The following CELF2 variants were observed in gnomAD, a reference collection of about 807,000 sequenced individuals.
CELF2 encodes CUGBP Elav-like family member 2.
CELF2 carries 8 observed loss-of-function variants against 62.6 expected under a neutral mutation model. That is an observed-to-expected ratio of 0.13 (90% CI 0.07 to 0.23). The LOEUF (loss-of-function observed/expected upper bound fraction) is 0.23. Among genes scored for constraint, CELF2 ranks in the 10% least tolerant of loss-of-function variants. The pLI, the probability that CELF2 is intolerant of heterozygous loss-of-function variation, is 1.00. For synonymous variants in CELF2, 258 were observed against 250.0 expected (o/e 1.03, Z -0.30); for missense variants, 333 against 671.0 (o/e 0.50, Z 5.56).
chr10:11,057,395 A>C (rs1034101), intron 1 of CELF2, among the ~76,000 whole-genome samples: 14,557 of 152,264 alleles, frequency 0.096, 804 homozygotes, highest in African/African-American at 0.14. Context: ...AAATACAGCC[A>C]GGTAAACACC....
At chr10:11,003,801 T>A (rs977575865), upstream of CELF2, among the ~76,000 whole-genome samples, 1 of 152,212 alleles carries the variant, frequency 6.6e-6, no homozygotes, top group Non-Finnish European at 1.5e-5. This position sits in a 1 kb window ranked among gnomAD's most constrained non-coding sequence, Gnocchi z 4.4. Context: ...CATTTTTATA[T>A]ATTCACTGTA....
Position 11,271,443 on chromosome 10 carries a change from G to A in CELF2, c.777+619G>A, listed in dbSNP as rs575087786. 1.1e-4 allele frequency among the ~76,000 whole-genome samples: 17 copies of A among 152,178 alleles called. No homozygotes were observed. The South Asian group carries it at 2.5e-3, about 22-fold the overall frequency. On this transcript the variant is annotated intron_variant, in intron 7 of 12. Coordinates refer to ENST00000633077, the MANE Select transcript of CELF2 (RefSeq NM_001326342.2). Reference sequence around the variant, plus strand: ...TGACCAGAATTTAAGACAGTCCCCCGAGCGAGATCTGAACAGGACGGAGTA... The same window carrying A: ...TGACCAGAATTTAAGACAGTCCCCCAAGCGAGATCTGAACAGGACGGAGTA...
the CELF2 span, among the ~76,000 whole-genome samples, chr10:10,508,321 A>G: frequency 6.6e-6 from 1 of 152,246 alleles, no homozygotes; most frequent in African/African-American, 2.4e-5. Context: ...CTACTTGAAC[A>G]TGGAAATGCC....
At chr10:10,609,309 G>T in the CELF2 span, among the ~76,000 whole-genome samples, 4 of 152,148 alleles carry the variant, frequency 2.6e-5, no homozygotes, top group East Asian at 3.8e-4. Context: ...TCATCAATTT[G>T]CTTATTTGGC....
intron 1 of CELF2, among the ~76,000 whole-genome samples, chr10:11,069,402 C>T (rs188330817): frequency 4.2e-4 from 64 of 152,232 alleles, no homozygotes; most frequent in Non-Finnish European, 4.7e-4. Flanking sequence ...GAAGATATCC[C>T]AGATGAATTT....
chr10:10,530,336 A>G, the CELF2 span, among the ~76,000 whole-genome samples: 6 of 152,364 alleles, frequency 3.9e-5, no homozygotes, highest in African/African-American at 1.4e-4. Flanking sequence ...TTTCTTAATT[A>G]CTATAGTTTG....
At chr10:10,651,604 G>A in the CELF2 span, among the ~76,000 whole-genome samples, 7 of 145,554 alleles carry the variant, frequency 4.8e-5, no homozygotes, top group African/African-American at 1.8e-4. Context: ...CCCCCCAGCA[G>A]GGGCACACTG....
At chr10:11,040,169 G>T (rs977297376) in intron 1 of CELF2, among the ~76,000 whole-genome samples, 1 of 152,204 alleles carries the variant, frequency 6.6e-6, no homozygotes, top group Non-Finnish European at 1.5e-5. Context: ...CAAAGCAGAA[G>T]GAAAGGGTGG....
the CELF2 span, among the ~76,000 whole-genome samples, chr10:10,647,349 C>T: frequency 6.6e-6 from 1 of 152,184 alleles, no homozygotes; most frequent in Non-Finnish European, 1.5e-5. Flanking sequence ...TGGGTATGGA[C>T]ACCCTCCCTG....
At chr10:10,548,072 A>G in the CELF2 span, among the ~76,000 whole-genome samples, 9 of 152,188 alleles carry the variant, frequency 5.9e-5, no homozygotes, top group Non-Finnish European at 1.3e-4. Context: ...CAAAGGGGAA[A>G]GAGCCCTGAA....
Position 11,314,314 on chromosome 10 carries a change from C to G in CELF2, c.1096+56C>G, listed in dbSNP as rs199551110. ...GGTGGACAGCCTTCCCCCAAATTCT[C>G]CACAGAAAGTGGTCAGCCAGAAATG... On this transcript the variant is annotated intron_variant, in intron 10 of 12. Transcript: ENST00000633077. This position sits in a 1 kb window ranked among gnomAD's most constrained non-coding sequence, Gnocchi z 5.3. The G allele has an allele frequency of 1.2e-6, 2 of 1,613,078 alleles. No individual in the cohort carries two copies. Among genetic ancestry groups the G allele is most frequent in the Non-Finnish European group, 1.7e-6 (2 of 1,179,092 alleles).
chr10:10,748,337 A>G, the CELF2 span, among the ~76,000 whole-genome samples: 27 of 152,156 alleles, frequency 1.8e-4, no homozygotes, highest in Non-Finnish European at 3.8e-4. Flanking sequence ...TATGATGTGG[A>G]CCCCGAAAAT....
At chr10:11,320,864 A>C (rs2095402887) in intron 10 of CELF2, 2 of 1,544,214 alleles carry the variant, frequency 1.3e-6, no homozygotes, top group African/African-American at 2.8e-5. Context: ...AAGCTCCCAG[A>C]AGCAAAAGGC....
chr10:10,775,936 C>A, the CELF2 span, among the ~76,000 whole-genome samples: 2 of 152,200 alleles, frequency 1.3e-5, no homozygotes, highest in African/African-American at 4.8e-5. Flanking sequence ...CCTTGGATTT[C>A]TCCACTGCAC....
chr10:11,196,124 A>G (rs2057405328), intron 2 of CELF2, among the ~76,000 whole-genome samples: 2 of 152,006 alleles, frequency 1.3e-5, no homozygotes, highest in South Asian at 2.1e-4. Flanking sequence ...TTTATTGGCT[A>G]GCAGCTGTAT....
the CELF2 span, among the ~76,000 whole-genome samples, chr10:10,564,457 C>T: frequency 1.3e-5 from 2 of 152,050 alleles, no homozygotes; most frequent in Non-Finnish European, 2.9e-5. Context: ...TATTTCAACC[C>T]ATCACACCTG....
intron 3 of CELF2, among the ~76,000 whole-genome samples, chr10:11,236,869 A>G (rs1324423855): frequency 1.3e-5 from 2 of 152,196 alleles, no homozygotes; most frequent in Non-Finnish European, 2.9e-5. Flanking sequence ...AGTTCATGGA[A>G]TAGGGGGTTG....
At chr10:10,759,497 A>G in the CELF2 span, among the ~76,000 whole-genome samples, 136 of 151,748 alleles carry the variant, frequency 9.0e-4, no homozygotes, top group Middle Eastern at 6.8e-3. Context: ...TTTAGTAGAG[A>G]CAGGGTTTCA....
At chr10:10,752,636 G>C in the CELF2 span, among the ~76,000 whole-genome samples, 1 of 138,528 alleles carries the variant, frequency 7.2e-6, no homozygotes, top group Non-Finnish European at 1.5e-5. Context: ...GTTGCAGTGA[G>C]CCGAGATTGC....
Sources: allele counts gnomAD v4.1 joint callset (sites outside exome capture counted in the v4.1 genomes callset), GRCh38; gene constraint gnomAD v4.1.1; non-coding constraint Gnocchi (gnomAD v3.1); transcripts MANE v1.5; gene names NCBI Gene and HGNC (gene_info 2026-07-23, HGNC 2026-07-21).